Variants in PDE4D observed in about 807,000 individuals in gnomAD.
PDE4D encodes the protein 3',5'-cyclic-AMP phosphodiesterase 4D.
In PDE4D, 24 loss-of-function variants were observed where a neutral mutation model predicts 87.4. The ratio of observed to expected loss-of-function variants is 0.27; its 90% CI spans 0.20 to 0.39. The LOEUF (loss-of-function observed/expected upper bound fraction) is 0.39, where lower values mean the gene tolerates loss of function less well. Ranked by LOEUF, PDE4D falls within the 10% of genes least tolerant of loss-of-function variation. The probability of loss-of-function intolerance (pLI) is 1.00; values close to 1 mark genes in which losing one functional copy is unlikely to be tolerated. For missense variants in PDE4D, 714 were observed against 1,041.0 expected (o/e 0.69, Z 4.32); for synonymous variants, 384 against 383.2 (o/e 1.00, Z -0.02).
chr5:59,177,975 C>T (rs1341863462), intron 5 of PDE4D, among the ~76,000 whole-genome samples: 1 of 152,128 alleles, frequency 6.6e-6, no homozygotes, highest in African/African-American at 2.4e-5. Flanking sequence ...CCCAGGACTA[C>T]TGCCACAGTA....
intron 5 of PDE4D, among the ~76,000 whole-genome samples, chr5:59,065,998 C>G (rs1763867145): frequency 6.6e-6 from 1 of 152,050 alleles, no homozygotes; most frequent in Admixed American, 6.6e-5. Context: ...GCATTTTTAC[C>G]TTAAGCAAAG....
At chr5:59,288,236 T>C (rs1296037519) in intron 1 of PDE4D, among the ~76,000 whole-genome samples, 1 of 151,864 alleles carries the variant, frequency 6.6e-6, no homozygotes, top group Non-Finnish European at 1.5e-5. Flanking sequence ...ATCAGATAAA[T>C]TCAACAAAGA....
At chr5:59,593,982 G>C (rs531704267) in intron 1 of PDE4D, among the ~76,000 whole-genome samples, 7 of 152,192 alleles carry the variant, frequency 4.6e-5, no homozygotes, top group African/African-American at 1.4e-4. Flanking sequence ...GTTAATCAGA[G>C]CCTAACCTGC....
chr5:59,261,142 AT>A lies in PDE4D; in HGVS notation c.456-45175del, dbSNP rs145707958. Among the ~76,000 whole-genome samples, 317 of 151,986 alleles carry A rather than the reference AT, an allele frequency of 2.1e-3. 4 individuals are homozygous for A. Among genetic ancestry groups the A allele is most frequent in the African/African-American group, 7.1e-3 (295 of 41,534 alleles). On this transcript the variant is annotated intron_variant, in intron 1 of 14. Coordinates refer to ENST00000340635, the MANE Select transcript of PDE4D (RefSeq NM_001104631.2). ...ATATTTTGTTGTAAACAGGTTTTCCATTCTTGCATGGTGCCCTTTTATGGCA... is the reference window on the plus strand; with the variant it reads ...ATATTTTGTTGTAAACAGGTTTTCCATCTTGCATGGTGCCCTTTTATGGCA...
At chr5:58,995,937 A>G (rs904132017) in intron 6 of PDE4D, among the ~76,000 whole-genome samples, 5 of 152,196 alleles carry the variant, frequency 3.3e-5, no homozygotes, top group African/African-American at 7.2e-5. Flanking sequence ...GCACATATAT[A>G]CCATGGAATA....
chr5:60,277,486 A>G (rs538605066), intron 1 of PDE4D, among the ~76,000 whole-genome samples: 1 of 152,276 alleles, frequency 6.6e-6, no homozygotes, highest in East Asian at 1.9e-4. Context: ...AAATCAAGGA[A>G]ACCATCCTGT....
At chr5:59,390,632 G>A (rs1478866580) in intron 1 of PDE4D, among the ~76,000 whole-genome samples, 2 of 152,120 alleles carry the variant, frequency 1.3e-5, no homozygotes, top group Non-Finnish European at 2.9e-5. Context: ...TTATAGACAT[G>A]TAAATGTACA....
chr5:59,432,333 A>G (rs1271676883), intron 1 of PDE4D, among the ~76,000 whole-genome samples: 1 of 152,054 alleles, frequency 6.6e-6, no homozygotes, highest in Non-Finnish European at 1.5e-5. Context: ...GTTCTTTTCA[A>G]TAGTTATATA....
intron 2 of PDE4D, among the ~76,000 whole-genome samples, chr5:60,114,941 CATGGATGGATGGATGGATGGATGGATGG>C (rs72415755): frequency 2.2e-5 from 2 of 89,128 alleles, no homozygotes; most frequent in Non-Finnish European, 5.2e-5. Context: ...TAGATAGATA[CATGGATGGATGGATGGATGGATGGATGG>C]ATGGATGGAT....
intron 1 of PDE4D, among the ~76,000 whole-genome samples, chr5:59,340,737 T>C (rs753914691): frequency 7.2e-5 from 11 of 152,174 alleles, no homozygotes; most frequent in Non-Finnish European, 1.5e-4. Flanking sequence ...CTCCATGAGA[T>C]CAATTGTCTT....
chr5:60,507,416 C>T (rs1750372247), intron 1 of PDE4D, among the ~76,000 whole-genome samples: 1 of 152,094 alleles, frequency 6.6e-6, no homozygotes, highest in South Asian at 2.1e-4. Context: ...CACTTTGATT[C>T]CTAGTTTTCA....
intron 1 of PDE4D, among the ~76,000 whole-genome samples, chr5:60,420,723 C>T (rs13166292): frequency 0.2 from 31,186 of 152,136 alleles, 3,985 homozygotes; most frequent in Non-Finnish European, 0.28. Context: ...GCCCATGGAG[C>T]GGGAGCCAGC....
chr5:60,271,707 T>C (rs1750828327), intron 1 of PDE4D, among the ~76,000 whole-genome samples: 1 of 152,222 alleles, frequency 6.6e-6, no homozygotes, highest in Non-Finnish European at 1.5e-5. Flanking sequence ...AACAGCTCCA[T>C]GTGTCATTTC....
intron 1 of PDE4D, among the ~76,000 whole-genome samples, chr5:60,205,217 G>A (rs1429930779): frequency 6.6e-6 from 1 of 152,088 alleles, no homozygotes; most frequent in African/African-American, 2.4e-5. Context: ...CCACAAACTG[G>A]CCACACTCAG....
intron 1 of PDE4D, among the ~76,000 whole-genome samples, chr5:59,458,290 C>A (rs79800851): frequency 0.037 from 5,704 of 152,278 alleles, 317 homozygotes; most frequent in East Asian, 0.13. Context: ...ACATGTCTTG[C>A]ACATCATAAG....
At chr5:59,577,516 C>A (rs1263469642) in intron 1 of PDE4D, among the ~76,000 whole-genome samples, 2 of 152,036 alleles carry the variant, frequency 1.3e-5, no homozygotes, top group Non-Finnish European at 2.9e-5. Context: ...ATTTTTATAG[C>A]ACCTTAGTGA....
intron 1 of PDE4D, among the ~76,000 whole-genome samples, chr5:59,244,056 T>A (rs1758256018): frequency 6.6e-6 from 1 of 152,130 alleles, no homozygotes; most frequent in East Asian, 1.9e-4. Flanking sequence ...CATTAGAATA[T>A]CAGATTTTTC....
chr5:59,685,254 T>C (rs1181149096), intron 1 of PDE4D, among the ~76,000 whole-genome samples: 1 of 152,176 alleles, frequency 6.6e-6, no homozygotes, highest in Non-Finnish European at 1.5e-5. Flanking sequence ...TGAGAACTAT[T>C]TCATAGTTTA....
chr5:60,232,293 G>A (rs12186826), intron 1 of PDE4D, among the ~76,000 whole-genome samples: 10,854 of 151,984 alleles, frequency 0.071, 437 homozygotes, highest in Non-Finnish European at 0.097. Flanking sequence ...TTATGGTTCT[G>A]TTCTCTTAAG....
Sources: gnomAD v4.1 joint callset for allele counts (sites outside exome capture counted in the v4.1 genomes callset) on GRCh38, gnomAD v4.1.1 for gene constraint, MANE v1.5 for transcripts, NCBI Gene and HGNC (gene_info 2026-07-23, HGNC 2026-07-21) for gene names.